Variants in HAPLN1 observed in about 807,000 individuals in gnomAD.
HAPLN1 encodes the protein Cartilage link protein.
In HAPLN1, 13 loss-of-function variants were observed where a neutral mutation model predicts 36.5. The observed-to-expected ratio is 0.36, with a 90% CI of 0.23 to 0.57. The LOEUF (loss-of-function observed/expected upper bound fraction) is 0.57, where lower values mean the gene tolerates loss of function less well. HAPLN1 is among the 20% of genes least tolerant of loss of function. The pLI is 0.83. For synonymous variants in HAPLN1, 202 were observed against 169.8 expected (o/e 1.19, Z -1.48); for missense variants, 407 against 439.7 (o/e 0.93, Z 0.66).
chr5:83,671,903 A>T (rs1007180380), intron 2 of HAPLN1, among the ~76,000 whole-genome samples: 2 of 152,228 alleles, frequency 1.3e-5, no homozygotes, highest in Non-Finnish European at 2.9e-5. Context: ...AATCTGGATA[A>T]TCCTGATACT....
intron 3 of HAPLN1, among the ~76,000 whole-genome samples, chr5:83,649,372 C>A (rs184050577): frequency 6.6e-6 from 1 of 152,218 alleles, no homozygotes; most frequent in Non-Finnish European, 1.5e-5. Context: ...GATGCCCTCT[C>A]TCCTGCTTTT....
At chr5:83,707,037 T>A (rs1420872470) in intron 1 of HAPLN1, among the ~76,000 whole-genome samples, 2 of 152,112 alleles carry the variant, frequency 1.3e-5, no homozygotes, top group East Asian at 3.9e-4. Context: ...GAAAGATTCC[T>A]ATGGTGAGAA....
chr5:83,704,427 G>T (rs1459538126), intron 1 of HAPLN1, among the ~76,000 whole-genome samples: 1 of 152,118 alleles, frequency 6.6e-6, no homozygotes, highest in Non-Finnish European at 1.5e-5. Flanking sequence ...ATGTAAATGG[G>T]ATAAATTTCT....
rs1561294826 is a variant in HAPLN1 at position 83,637,912 on chromosome 5, C to T, written c.*3584G>A. The T allele has an allele frequency of 6.6e-6, 1 of 151,756 alleles. No individual in the cohort carries two copies. Among genetic ancestry groups the T allele is most frequent in the African/African-American group, 2.4e-5 (1 of 41,360 alleles). 9.4% of individuals were successfully genotyped at this position (151,756 alleles called of 1,614,324 possible). A position where few individuals can be genotyped will look rare whatever the true frequency, so the allele number is the denominator to read the frequency against. On this transcript the variant is annotated 3_prime_UTR_variant, in exon 5 of 5. Transcript: ENST00000274341. Reference sequence around the variant, plus strand: ...ACAATAGATTTCTGGGATTGCTGAACTGGTGGGCAAAATTAATTATGCTTT... The same window carrying T: ...ACAATAGATTTCTGGGATTGCTGAATTGGTGGGCAAAATTAATTATGCTTT...
chr5:83,669,751 C>T (rs1461055431), intron 2 of HAPLN1, among the ~76,000 whole-genome samples: 1 of 152,144 alleles, frequency 6.6e-6, no homozygotes, highest in African/African-American at 2.4e-5. Context: ...TAACAACCAC[C>T]TGGATAAGTA....
At chr5:83,661,089 G>A (rs558581842) in intron 2 of HAPLN1, among the ~76,000 whole-genome samples, 4 of 152,076 alleles carry the variant, frequency 2.6e-5, no homozygotes, top group South Asian at 2.1e-4. Context: ...CTTGAGGATC[G>A]CCTAATCTAG....
intron 1 of HAPLN1, among the ~76,000 whole-genome samples, chr5:83,679,971 G>A (rs570261966): frequency 6.6e-6 from 1 of 152,264 alleles, no homozygotes; most frequent in African/African-American, 2.4e-5. Context: ...GTCCTCATCA[G>A]CAGATAAATT....
At chr5:83,653,899 C>T (rs1391705781) in intron 2 of HAPLN1, among the ~76,000 whole-genome samples, 1 of 152,236 alleles carries the variant, frequency 6.6e-6, no homozygotes, top group Admixed American at 6.5e-5. Context: ...GAGAAAGTGA[C>T]ATAAGAGCTC....
chr5:83,668,271 G>T (rs1291704350), intron 2 of HAPLN1, among the ~76,000 whole-genome samples: 1 of 152,096 alleles, frequency 6.6e-6, no homozygotes, highest in Non-Finnish European at 1.5e-5. Flanking sequence ...AGAAAAGAAG[G>T]GTGAGAGAGA....
chr5:83,655,667 GAAT>G (rs1179533109), intron 2 of HAPLN1, among the ~76,000 whole-genome samples: 3 of 152,020 alleles, frequency 2.0e-5, no homozygotes, highest in Non-Finnish European at 4.4e-5. Context: ...ATGGCCTTGA[GAAT>G]AATGTTTTTG....
intron 2 of HAPLN1, among the ~76,000 whole-genome samples, chr5:83,655,978 T>A (rs1417775209): frequency 6.6e-6 from 1 of 152,162 alleles, no homozygotes; most frequent in Non-Finnish European, 1.5e-5. Context: ...AAGTCTTGAA[T>A]CTGATAATTG....
intron 1 of HAPLN1, chr5:83,675,357 A>C (rs1300989239): frequency 6.6e-6 from 1 of 152,096 alleles, no homozygotes; most frequent in Non-Finnish European, 1.5e-5. Flanking sequence ...AGAGAGTATA[A>C]AGAAGGTGTA....
chr5:83,698,935 T>G (rs1363290069), intron 1 of HAPLN1, among the ~76,000 whole-genome samples: 98 of 152,234 alleles, frequency 6.4e-4, no homozygotes, highest in Admixed American at 6.3e-3. Context: ...TCAATTCTAT[T>G]TAAAGAGCAG....
At chr5:83,682,434 T>C (rs935989415) in intron 1 of HAPLN1, 2 of 152,230 alleles carry the variant, frequency 1.3e-5, no homozygotes, top group African/African-American at 4.8e-5. Flanking sequence ...ATCATCGATT[T>C]ACTGTGGTAC....
At chr5:83,670,755 C>T (rs2112594721) in intron 2 of HAPLN1, among the ~76,000 whole-genome samples, 1 of 151,980 alleles carries the variant, frequency 6.6e-6, no homozygotes, top group South Asian at 2.1e-4. Flanking sequence ...AGTGCAGTGG[C>T]ACCATCTCGG....
rs1749622457 is a variant in HAPLN1, at chr5:83,639,633, C to A, written c.*1863G>T. On this transcript the variant is annotated 3_prime_UTR_variant, in exon 5 of 5. Transcript: ENST00000274341. ...AAATAATATATCATCTCATCCTAGA[C>A]CATTTAGGTATCTTCCTTAATTTAG... 6.6e-6 allele frequency: 1 copy of A among 151,992 alleles called. No homozygotes were observed. Among genetic ancestry groups the A allele is most frequent in the Non-Finnish European group, 1.5e-5 (1 of 67,920 alleles). The allele number at this position is 151,992 out of a possible 1,614,324, so 9.4% of individuals were successfully genotyped here.
rs72772947 is a variant in HAPLN1, at chr5:83,716,631, T to C, written c.-27+4158A>G. 3.6e-3 allele frequency among the ~76,000 whole-genome samples: 552 copies of C among 152,336 alleles called. 4 individuals are homozygous for C. Among genetic ancestry groups the C allele is most frequent in the Non-Finnish European group, 4.5e-3 (309 of 68,032 alleles). ...AGCAAAGGCAATATAACTATAAGCA[T>C]CAGACCATTTCAGAGAGCTTGGCTG... On this transcript the variant is annotated intron_variant, in intron 1 of 4. Coordinates refer to ENST00000274341, the MANE Select transcript of HAPLN1 (RefSeq NM_001884.4).
chr5:83,690,767 A>G (rs977556097), intron 1 of HAPLN1, among the ~76,000 whole-genome samples: 1 of 152,018 alleles, frequency 6.6e-6, no homozygotes, highest in Admixed American at 6.6e-5. Context: ...AACTATTTAT[A>G]TGGTGATTAT....
chr5:83,670,113 G>A (rs1750665089), intron 2 of HAPLN1, among the ~76,000 whole-genome samples: 1 of 152,198 alleles, frequency 6.6e-6, no homozygotes, highest in South Asian at 2.1e-4. Context: ...CTAAAAAGTT[G>A]TATTTTGAAG....
Sources: allele counts gnomAD v4.1 joint callset (sites outside exome capture counted in the v4.1 genomes callset), GRCh38; gene constraint gnomAD v4.1.1; transcripts MANE v1.5; gene names NCBI Gene and HGNC (gene_info 2026-07-23, HGNC 2026-07-21).